Variants in ARHGEF25 observed in about 807,000 individuals in gnomAD.
ARHGEF25 encodes Rho guanine nucleotide exchange factor 25.
In ARHGEF25, 42 loss-of-function variants were observed where a neutral mutation model predicts 74.0. That is an observed-to-expected ratio of 0.57 (90% CI 0.44 to 0.73). The LOEUF (loss-of-function observed/expected upper bound fraction) is 0.73, where lower values mean the gene tolerates loss of function less well. ARHGEF25 is among the 30% of genes least tolerant of loss of function. The pLI is 0.00. For missense variants in ARHGEF25, 645 were observed against 725.5 expected, an observed-to-expected ratio of 0.89 and a Z score of 1.27; for synonymous variants, 293 against 278.6, an observed-to-expected ratio of 1.05 and a Z score of -0.51.
rs1476879481 is a variant in ARHGEF25 at position 57,616,452 on chromosome 12, C to T, written c.1589C>T (p.Pro530Leu). The T allele has an allele frequency of 6.2e-7, 1 of 1,614,128 alleles. No individual in the cohort carries two copies. Among genetic ancestry groups the T allele is most frequent in the Non-Finnish European group, 8.5e-7 (1 of 1,180,038 alleles). ...NGSLPSLLLS[P>L]KGEVARALLP... ...TCTCTCCCCTCTCTGCTGCTGTCAC[C>T]CAAAGGGGAGGTGGCCAGAGCCCTC... is the stretch of plus-strand genomic sequence containing the variant. Residue 530 changes from proline to leucine, a missense_variant, in exon 14 of 15, where the codon CCC becomes CTC. By Grantham distance (98) the Pro-to-Leu change is moderately conservative (BLOSUM62 -3). Transcript: ENST00000286494.
At chr12:57,610,148 C>A, upstream of ARHGEF25, 1 of 831,896 alleles carries the variant, frequency 1.2e-6, no homozygotes, top group Non-Finnish European at 1.9e-6. Flanking sequence ...CGGACGCGCG[C>A]AGGCCTCAAA....
intron 1 of ARHGEF25, 137 bp from the exon 2 acceptor site, chr12:57,612,793 A>G (rs1171571442): frequency 1.3e-6 from 2 of 1,494,258 alleles, no homozygotes; most frequent in African/African-American, 2.8e-5. Context: ...GGCCAACTCA[A>G]ATGAGGATGG....
In ARHGEF25 at chr12:57,615,524, G is replaced by A. The variant is rs1171624787; in HGVS notation, c.1051G>A (p.Ala351Thr). Residue 351 changes from alanine (A) to threonine (T), a missense_variant, in exon 12 of 15, where the codon GCT becomes ACT. By Grantham distance (58) the Ala-to-Thr change is moderately conservative. Transcript: ENST00000286494. ...CTTTTGGTTTCAGGGCAAACTGACT[G>A]CTCAGGGGAAGCTCTTGGGCCAGGA... ...RLRGFEGKLT[A>T]QGKLLGQDTF... 1.2e-6 allele frequency: 2 copies of A among 1,614,186 alleles called. No homozygotes were observed. Among genetic ancestry groups the A allele is most frequent in the East Asian group, 4.5e-5 (2 of 44,882 alleles).
At position 57,616,401 on chromosome 12, in the gene ARHGEF25, G is replaced by T; in HGVS notation, c.1538G>T (p.Gly513Val). The change falls in exon 14 of 15, where the codon GGC (glycine) becomes GTC (valine). Residue 513 changes from glycine (G) to valine (V), a missense_variant. Gly to Val is a moderately radical substitution (Grantham distance 109). Coordinates refer to ENST00000286494, the MANE Select transcript of ARHGEF25 (RefSeq NM_182947.4). ...ATTCAGCTTGGAGATCAGGCCCAGG[G>T]CAGCACACACACACCCATCAATGGC... ...GRIQLGDQAQ[G>V]STHTPINGSL... 1 of 1,614,046 alleles carries T rather than the reference G, an allele frequency of 6.2e-7. No homozygotes were observed. The highest frequency in any genetic ancestry group is 8.5e-7 in the Non-Finnish European group (1 of 1,179,952).
In ARHGEF25 at chr12:57,616,363, G is replaced by A. The variant is rs768541215; in HGVS notation, c.1500G>A (p.Gly500=). Residue 500 remains glycine, a synonymous_variant, in exon 14 of 15, where the codon GGG becomes GGA. Transcript: ENST00000286494. Reference sequence around the variant, plus strand: ...GGCGGCCAAGAGGGCCTGGAGTGGGGAGCCCTGGAAGAATTCAGCTTGGAG... The same window carrying A: ...GGCGGCCAAGAGGGCCTGGAGTGGGAAGCCCTGGAAGAATTCAGCTTGGAG... ...SLGRPRGPGV[G]SPGRIQLGDQ... 1 of 1,614,088 alleles carries A rather than the reference G, an allele frequency of 6.2e-7. No individual in the cohort carries two copies. Among genetic ancestry groups the A allele is most frequent in the Non-Finnish European group, 8.5e-7 (1 of 1,180,008 alleles).
In ARHGEF25 at chr12:57,616,809, C is replaced by T; in HGVS notation, c.1658C>T (p.Pro553Leu). The T allele has an allele frequency of 1.2e-6, 2 of 1,613,648 alleles. No individual in the cohort carries two copies. Among genetic ancestry groups the T allele is most frequent in the Non-Finnish European group, 1.7e-6 (2 of 1,179,672 alleles). Residue 553 changes from proline (P) to leucine (L), a missense_variant, in exon 15 of 15, where the codon CCC becomes CTC. By Grantham distance (98) the Pro-to-Leu change is moderately conservative. This residue lies in a region of ARHGEF25 where 262 missense variants were observed against 256.9 expected (regional missense o/e 1.02). Coordinates refer to ENST00000286494, the MANE Select transcript of ARHGEF25 (RefSeq NM_182947.4). ...GCCCTTGGTGACATCCCCCAGGCTC[C>T]CCATGACTCTCCTCCAGTCTCTCCA... ...KQALGDIPQA[P>L]HDSPPVSPTP...
chr12:57,610,152 C>A, upstream of ARHGEF25: 1 of 877,530 alleles, frequency 1.1e-6, no homozygotes. Flanking sequence ...CGCGCGCAGG[C>A]CTCAAAGCCC....
At position 57,611,866 on chromosome 12, in the gene ARHGEF25, G is replaced by A; in HGVS notation, c.-29G>A. 1.6e-6 allele frequency: 2 copies of A among 1,224,046 alleles called. No homozygotes were observed. Among genetic ancestry groups the A allele is most frequent in the Non-Finnish European group, 2.1e-6 (2 of 964,066 alleles). The allele number at this position is 1,224,046 out of a possible 1,614,324, so 75.8% of individuals were successfully genotyped here. ...TGATTCCCCCTGCATGGCCGGCCCGGGTGGGGGGCGCGGGGGGGCCCGGGC... is the reference window on the plus strand; with the variant it reads ...TGATTCCCCCTGCATGGCCGGCCCGAGTGGGGGGCGCGGGGGGGCCCGGGC... On this transcript the variant is annotated 5_prime_UTR_variant, in exon 1 of 15. Coordinates refer to ENST00000286494, the MANE Select transcript of ARHGEF25 (RefSeq NM_182947.4). The surrounding 1 kb of genome is among the most constrained non-coding windows in gnomAD (Gnocchi z 4.5).
intron 10 of ARHGEF25, 73 bp downstream of exon 10, chr12:57,615,090 C>A: frequency 6.3e-7 from 1 of 1,596,858 alleles, no homozygotes; most frequent in Non-Finnish European, 8.6e-7. Flanking sequence ...TTCCCCCAGC[C>A]CCTTGGGTGG....
At chr12:57,613,834 C>T in intron 5 of ARHGEF25, 74 bp downstream of exon 5, 1 of 1,566,184 alleles carries the variant, frequency 6.4e-7, no homozygotes, top group South Asian at 1.2e-5. Context: ...CAGGAGGTGC[C>T]TGGGCGCTCC....
At position 57,616,503 on chromosome 12, in the gene ARHGEF25, G is replaced by T. The variant is rs771065378; in HGVS notation, c.1632+8G>T. 6.2e-7 allele frequency: 1 copy of T among 1,612,154 alleles called. No individual in the cohort carries two copies. The highest frequency in any genetic ancestry group is 2.2e-5 in the East Asian group (1 of 44,874). ...TTGCCACTGGATAAACAGGTATGACGAATAGAGCTCCCTCATTGTAGGGAT... is the reference window on the plus strand; with the variant it reads ...TTGCCACTGGATAAACAGGTATGACTAATAGAGCTCCCTCATTGTAGGGAT... On this transcript the variant is annotated splice_region_variant and intron_variant, in intron 14 of 14. Transcript: ENST00000286494.
chr12:57,610,168 C>T, upstream of ARHGEF25: 2 of 1,132,920 alleles, frequency 1.8e-6, no homozygotes, highest in Non-Finnish European at 2.5e-6. Flanking sequence ...AGCCCCCCAG[C>T]TTCAGTGCCC....
At chr12:57,613,177 C>T in intron 2 of ARHGEF25, 33 bp downstream of exon 2, 1 of 1,610,526 alleles carries the variant, frequency 6.2e-7, no homozygotes, top group South Asian at 1.1e-5. Context: ...GCATGTGGGA[C>T]ATCTATGAAG....
In ARHGEF25 at chr12:57,615,603, G is replaced by A. The variant is rs375478212; in HGVS notation, c.1130G>A (p.Arg377Gln). 8 of 1,614,040 alleles carry A rather than the reference G, an allele frequency of 5.0e-6. No homozygotes were observed. The highest frequency in any genetic ancestry group is 2.2e-5 in the East Asian group (1 of 44,892). The change falls in exon 12 of 15, where the codon CGA becomes CAA. Residue 377 changes from arginine to glutamine, a missense_variant. This residue lies in a region of ARHGEF25 where 262 missense variants were observed against 256.9 expected (regional missense o/e 1.02). Coordinates refer to ENST00000286494, the MANE Select transcript of ARHGEF25 (RefSeq NM_182947.4). ...GGAGGGCTGCTGTCTTCCCGAGGTC[G>A]AGAGAGGCGCGTCTTCCTCTTTGAG... ...EAGGLLSSRG[R>Q]ERRVFLFEQI... is the part of the protein sequence containing the mutation.
chr12:57,616,288 G>A lies in ARHGEF25; in HGVS notation c.1425G>A (p.Leu475=). 5 of 1,611,070 alleles carry A rather than the reference G, an allele frequency of 3.1e-6. No individual in the cohort carries two copies. Among genetic ancestry groups the A allele is most frequent in the Non-Finnish European group, 4.2e-6 (5 of 1,179,234 alleles). The change falls in exon 14 of 15, where the codon TTG becomes TTA. Residue 475 remains leucine (L), a synonymous_variant. Transcript: ENST00000286494. The part of the protein sequence containing the change: ...LESQRDFLNA[L]QSPIEYQRRE... ...CTGTTCCTCTCTTTGCTCCAGCATTGCAGTCACCCATTGAGTACCAGAGAC... is the reference window on the plus strand; with the variant it reads ...CTGTTCCTCTCTTTGCTCCAGCATTACAGTCACCCATTGAGTACCAGAGAC...
intron 13 of ARHGEF25, 44 bp from the exon 14 acceptor site, chr12:57,616,240 C>A (rs1477865417): frequency 3.8e-6 from 6 of 1,570,616 alleles, no homozygotes; most frequent in Middle Eastern, 2.3e-4. Flanking sequence ...GGGAGCAGAC[C>A]TGTCTCTGCG....
chr12:57,613,839 C>T (rs1462075803), intron 5 of ARHGEF25, 79 bp downstream of exon 5: 36 of 1,553,386 alleles, frequency 2.3e-5, no homozygotes, highest in East Asian at 9.0e-5. Flanking sequence ...GGTGCCTGGG[C>T]GCTCCTCTGT....
In ARHGEF25 at chr12:57,615,002, T is replaced by C. The variant is rs570006492; in HGVS notation, c.945T>C (p.Asp315=). The C allele has an allele frequency of 1.2e-6, 2 of 1,614,164 alleles. No homozygotes were observed. The highest frequency in any genetic ancestry group is 2.7e-5 in the African/African-American group (2 of 75,044). ...AGTATTACAATAGAGCTGGGATGGA[T>C]ACTGCAGACCTAGAGGTGAGGACCC... ...FLKYYNRAGM[D]TADLEQAVEV... Residue 315 remains aspartate, a synonymous_variant, in exon 10 of 15, where the codon GAT becomes GAC. Coordinates refer to ENST00000286494, the MANE Select transcript of ARHGEF25 (RefSeq NM_182947.4).
chr12:57,613,796 T>G (rs1442666385), intron 5 of ARHGEF25, 36 bp downstream of exon 5: 2 of 1,608,482 alleles, frequency 1.2e-6, no homozygotes, highest in African/African-American at 2.7e-5. Context: ...CCCTCCTGCC[T>G]GCTTTTCCAT....
Sources: gnomAD v4.1 joint callset for allele counts on GRCh38, gnomAD v4.1.1 for gene constraint, gnomAD v4.1.1 regional missense constraint, Gnocchi (gnomAD v3.1) non-coding constraint, MANE v1.5 for transcripts, NCBI Gene and HGNC (gene_info 2026-07-23, HGNC 2026-07-21) for gene names.